The following ADCY2 variants were observed in gnomAD, a reference collection of about 807,000 sequenced individuals.
ADCY2 encodes adenylate cyclase type 2.
ADCY2 carries 31 observed loss-of-function variants against 125.2 expected under a neutral mutation model. The ratio of observed to expected loss-of-function variants is 0.25; its 90% CI spans 0.19 to 0.33. ADCY2 has a LOEUF of 0.33. ADCY2 is among the 10% of genes least tolerant of loss of function. The pLI, the probability that ADCY2 is intolerant of heterozygous loss-of-function variation, is 1.00. For synonymous variants in ADCY2, 512 were observed against 548.4 expected, an observed-to-expected ratio of 0.93 and a Z score of 0.93; for missense variants, 904 against 1,418.2, an observed-to-expected ratio of 0.64 and a Z score of 5.82.
intron 3 of ADCY2, among the ~76,000 whole-genome samples, chr5:7,596,766 A>G (rs1737019406): frequency 6.6e-6 from 1 of 152,222 alleles, no homozygotes. Context: ...TATTGTAATT[A>G]TTTTAGTATT....
At chr5:7,575,277 T>G (rs1736211443) in intron 3 of ADCY2, among the ~76,000 whole-genome samples, 1 of 152,172 alleles carries the variant, frequency 6.6e-6, no homozygotes, top group African/African-American at 2.4e-5. Context: ...GTGGTGACAT[T>G]ATTGGTGATT....
rs113939706 is a variant in ADCY2, at chr5:7,713,172, T to TA, written c.1622+283dup. On this transcript the variant is annotated intron_variant, in intron 11 of 24. Coordinates refer to ENST00000338316, the MANE Select transcript of ADCY2 (RefSeq NM_020546.3). ...GACTCTTCTTAATATTAATGTGTGG[T>TA]AAAAAAAAAAGTGAATTGTCTTAAA... Among the ~76,000 whole-genome samples, 817 of 148,150 alleles carry TA rather than the reference T, an allele frequency of 5.5e-3. 7 individuals are homozygous for TA. Among genetic ancestry groups the TA allele is most frequent in the African/African-American group, 0.016 (651 of 40,544 alleles).
chr5:7,707,003 G>C lies in ADCY2; in HGVS notation c.1268+101G>C, dbSNP rs1454001219. The C allele has an allele frequency of 5.6e-6, 8 of 1,430,948 alleles. No homozygotes were observed. In the South Asian group the frequency reaches 8.2e-5, roughly 15 times the overall value. 88.6% of individuals were successfully genotyped at this position (1,430,948 alleles called of 1,614,324 possible). On this transcript the variant is annotated intron_variant, in intron 8 of 24. Coordinates refer to ENST00000338316, the MANE Select transcript of ADCY2 (RefSeq NM_020546.3). ...GAGTGCTCAGTTTTTGATCACTTCT[G>C]TTGCCTCTGTTGGTATCATGTTACT...
chr5:7,541,348 A>G (rs1250482914), intron 3 of ADCY2, among the ~76,000 whole-genome samples: 3 of 152,244 alleles, frequency 2.0e-5, no homozygotes, highest in Admixed American at 1.3e-4. Context: ...ATGAAAATAT[A>G]TTCACCAGAA....
intron 23 of ADCY2, among the ~76,000 whole-genome samples, chr5:7,819,931 C>A (rs891741439): frequency 6.6e-6 from 1 of 152,158 alleles, no homozygotes; most frequent in African/African-American, 2.4e-5. Flanking sequence ...GAGCTGCTGA[C>A]CAAGCAGGGA....
At chr5:7,656,148 G>A (rs569309047) in intron 4 of ADCY2, among the ~76,000 whole-genome samples, 4 of 149,104 alleles carry the variant, frequency 2.7e-5, no homozygotes, top group East Asian at 2.0e-4. Flanking sequence ...TCCACCTCCC[G>A]GGTTCAAGCG....
Position 7,829,486 on chromosome 5 carries a change from A to G in ADCY2, c.*2615A>G, listed in dbSNP as rs1002675619. ...CAGCTAAAAGCATCCCTGTGAGCAAAAATGCCAGGCAGAAAACTGGCAGTG... is the reference window on the plus strand; with the variant it reads ...CAGCTAAAAGCATCCCTGTGAGCAAGAATGCCAGGCAGAAAACTGGCAGTG... On this transcript the variant is annotated 3_prime_UTR_variant, in exon 25 of 25. Coordinates refer to ENST00000338316, the MANE Select transcript of ADCY2 (RefSeq NM_020546.3). The G allele has an allele frequency of 6.6e-6, 1 of 152,664 alleles. No individual in the cohort carries two copies. 9.5% of individuals were successfully genotyped at this position (152,664 alleles called of 1,614,324 possible).
chr5:7,624,495 C>T (rs1214709188), intron 3 of ADCY2, among the ~76,000 whole-genome samples: 1 of 152,174 alleles, frequency 6.6e-6, no homozygotes, highest in African/African-American at 2.4e-5. Flanking sequence ...AGATGACCAC[C>T]CACTTCAGGG....
chr5:7,812,484 T>G (rs1744976205), intron 22 of ADCY2, among the ~76,000 whole-genome samples: 1 of 152,186 alleles, frequency 6.6e-6, no homozygotes, highest in Non-Finnish European at 1.5e-5. Flanking sequence ...TCCTCCTAGG[T>G]GGCTGTCATG....
chr5:7,697,577 T>C (rs541316458), intron 6 of ADCY2, among the ~76,000 whole-genome samples: 1 of 152,264 alleles, frequency 6.6e-6, no homozygotes, highest in African/African-American at 2.4e-5. Flanking sequence ...GAAACAAATA[T>C]AGGATCAACA....
rs533386040 is a variant in ADCY2 at position 7,648,706 on chromosome 5, G to A, written c.720+22390G>A. ...TAACATCCAGAAAATATTAACTATC[G>A]ATAAAATGAATTAAAATCATTTTGT... On this transcript the variant is annotated intron_variant, in intron 4 of 24. Transcript: ENST00000338316. 7.2e-5 allele frequency among the ~76,000 whole-genome samples: 11 copies of A among 152,086 alleles called. No individual in the cohort carries two copies. In the South Asian group the frequency reaches 1.0e-3, roughly 14 times the overall value.
At chr5:7,708,262 A>T (rs1192899488) in intron 9 of ADCY2, 4 of 154,512 alleles carry the variant, frequency 2.6e-5, no homozygotes, top group African/African-American at 9.6e-5. Flanking sequence ...ACAAAAAAAG[A>T]AGAGAAGAAA....
intron 2 of ADCY2, among the ~76,000 whole-genome samples, chr5:7,435,631 G>A (rs990228421): frequency 6.6e-6 from 1 of 152,192 alleles, no homozygotes; most frequent in African/African-American, 2.4e-5. Flanking sequence ...GGCCCTGAGA[G>A]TAGTTGGAGA....
intron 2 of ADCY2, among the ~76,000 whole-genome samples, chr5:7,490,584 G>A (rs1010426992): frequency 6.6e-6 from 1 of 152,078 alleles, no homozygotes; most frequent in Non-Finnish European, 1.5e-5. Context: ...GAATAGAAAT[G>A]TACCTTATAG....
At chr5:7,623,993 A>G (rs1375321683) in intron 3 of ADCY2, among the ~76,000 whole-genome samples, 1 of 152,172 alleles carries the variant, frequency 6.6e-6, no homozygotes, top group East Asian at 1.9e-4. Context: ...TAGCTCTAAG[A>G]ATGTGGGTGC....
chr5:7,767,238 C>G (rs373477438), intron 17 of ADCY2, among the ~76,000 whole-genome samples: 1 of 152,024 alleles, frequency 6.6e-6, no homozygotes, highest in Non-Finnish European at 1.5e-5. Flanking sequence ...TGGCAACATA[C>G]GTTGCTGAGT....
intron 2 of ADCY2, among the ~76,000 whole-genome samples, chr5:7,436,355 G>A (rs1287319303): frequency 6.6e-6 from 1 of 152,146 alleles, no homozygotes; most frequent in Non-Finnish European, 1.5e-5. Context: ...ATAACCTATG[G>A]AAATGACATT....
At chr5:7,482,875 A>C (rs1285720200) in intron 2 of ADCY2, among the ~76,000 whole-genome samples, 1 of 151,392 alleles carries the variant, frequency 6.6e-6, no homozygotes, top group African/African-American at 2.4e-5. Flanking sequence ...ATTTGCAGCA[A>C]CGTGGATGGA....
chr5:7,666,049 A>G (rs576266810), intron 4 of ADCY2, among the ~76,000 whole-genome samples: 71 of 151,268 alleles, frequency 4.7e-4, no homozygotes, highest in Admixed American at 2.4e-3. Flanking sequence ...CATGTTAGCC[A>G]GGATGGTCTC....
Sources: gnomAD v4.1 joint callset for allele counts (sites outside exome capture counted in the v4.1 genomes callset) on GRCh38, gnomAD v4.1.1 for gene constraint, MANE v1.5 for transcripts, NCBI Gene and HGNC (gene_info 2026-07-23, HGNC 2026-07-21) for gene names.